SPARCL1: variants seen among roughly 807,000 people sequenced by gnomAD.
SPARCL1 encodes the protein SPARC like 1.
SPARCL1 carries 52 observed loss-of-function variants against 67.1 expected under a neutral mutation model. The ratio of observed to expected loss-of-function variants is 0.78; its 90% CI spans 0.62 to 0.98. The LOEUF (loss-of-function observed/expected upper bound fraction) is 0.98, where lower values mean the gene tolerates loss of function less well. Ranked by LOEUF, SPARCL1 falls within the 50% of genes least tolerant of loss-of-function variation. The pLI, the probability that SPARCL1 is intolerant of heterozygous loss-of-function variation, is 0.00. For synonymous variants in SPARCL1, 226 were observed against 267.8 expected (o/e 0.84, Z 1.52); for missense variants, 717 against 782.4 (o/e 0.92, Z 1.00).
intron 2 of SPARCL1, among the ~76,000 whole-genome samples, chr4:87,499,192 T>C (rs1057184800): frequency 8.5e-5 from 13 of 152,310 alleles, no homozygotes; most frequent in Admixed American, 7.8e-4. Flanking sequence ...CTTGGGTTTA[T>C]AATAACAATG....
intron 5 of SPARCL1, 90 bp downstream of exon 5, chr4:87,491,528 A>C: frequency 1.0e-6 from 1 of 991,920 alleles, no homozygotes; most frequent in South Asian, 1.3e-5. Context: ...TCTGTGCAGC[A>C]TTCACAAAGG....
At chr4:87,502,541 C>T (rs76500894) in intron 1 of SPARCL1, among the ~76,000 whole-genome samples, 3,799 of 152,112 alleles carry the variant, frequency 0.025, 87 homozygotes, top group South Asian at 0.045. Context: ...TTTTATTTCC[C>T]GAAGGCTTCT....
chr4:87,502,538 T>C (rs566953731), intron 1 of SPARCL1, among the ~76,000 whole-genome samples: 1 of 152,342 alleles, frequency 6.6e-6, no homozygotes, highest in African/African-American at 2.4e-5. Context: ...ATTTTTTATT[T>C]CCCGAAGGCT....
chr4:87,493,582 C>G lies in SPARCL1; in HGVS notation c.1218G>C (p.Glu406Asp), dbSNP rs777601852. ...IGTTEPGEHQ[E>D]AKKAENSSNE... is the part of the protein sequence containing the mutation. ...CAAGGACCATTTAAAATAATTTTAC[C>G]TCTTGGTGCTCTCCAGGCTCAGTGG... The change falls in exon 4 of 11, where the codon GAG becomes GAC. Residue 406 changes from glutamate (E) to aspartate (D), a missense_variant and splice_region_variant. Physicochemically the swap from Glu to Asp is conservative, Grantham distance 45. Transcript: ENST00000282470. 6.9e-6 allele frequency: 11 copies of G among 1,595,880 alleles called. No individual in the cohort carries two copies. In the African/African-American group the frequency reaches 1.4e-4, roughly 20 times the overall value.
At chr4:87,494,714 T>C in intron 3 of SPARCL1, 116 bp from the exon 4 acceptor site, 1 of 949,412 alleles carries the variant, frequency 1.1e-6, no homozygotes, top group Non-Finnish European at 1.5e-6. Flanking sequence ...TGTAAACATG[T>C]TTATAATATT....
chr4:87,512,569 A>G (rs1417307211), intron 1 of SPARCL1, among the ~76,000 whole-genome samples: 1 of 152,016 alleles, frequency 6.6e-6, no homozygotes, highest in Non-Finnish European at 1.5e-5. Flanking sequence ...ATGAGAGACC[A>G]TGTGGCTGGA....
intron 1 of SPARCL1, among the ~76,000 whole-genome samples, chr4:87,520,284 A>G (rs1039072296): frequency 6.7e-6 from 1 of 150,270 alleles, no homozygotes; most frequent in Admixed American, 6.6e-5. Context: ...GGAACAGATT[A>G]TGGGAGGATA....
chr4:87,526,481 C>T (rs780465320), intron 1 of SPARCL1, among the ~76,000 whole-genome samples: 1 of 152,192 alleles, frequency 6.6e-6, no homozygotes, highest in Non-Finnish European at 1.5e-5. Flanking sequence ...TAATAAACAT[C>T]ACATTTCATT....
chr4:87,498,922 G>C (rs1724731705), intron 2 of SPARCL1, among the ~76,000 whole-genome samples: 1 of 150,848 alleles, frequency 6.6e-6, no homozygotes, highest in Non-Finnish European at 1.5e-5. Context: ...TGCCCAGGCT[G>C]GAGTGCAGTG....
chr4:87,482,274 A>C, intron 8 of SPARCL1, 150 bp downstream of exon 8: 1 of 734,486 alleles, frequency 1.4e-6, no homozygotes, highest in Admixed American at 2.7e-5. Context: ...GGTGACATCT[A>C]TTATTCTGTT....
At position 87,499,529 on chromosome 4, in the gene SPARCL1, C is replaced by T; in HGVS notation, c.46G>A (p.Ala16Thr). The change falls in exon 2 of 11, where the codon GCA becomes ACA. Residue 16 changes from alanine to threonine, a missense_variant. Ala to Thr is a moderately conservative substitution (Grantham distance 58). Coordinates refer to ENST00000282470, the MANE Select transcript of SPARCL1 (RefSeq NM_004684.6). ...GAAGAAAGGAAATTTACCGGGATTG[C>T]AGCTGCAGTTCCCAAGAGACATAGG... Reference protein sequence around the residue: ...FFLCLLGTAAAIPTNARLLSD... With the variant: ...FFLCLLGTAATIPTNARLLSD... 1 of 1,602,644 alleles carries T rather than the reference C, an allele frequency of 6.2e-7. No homozygotes were observed. Among genetic ancestry groups the T allele is most frequent in the Non-Finnish European group, 8.5e-7 (1 of 1,176,510 alleles).
intron 10 of SPARCL1, among the ~76,000 whole-genome samples, chr4:87,474,079 C>T (rs1257917559): frequency 6.6e-6 from 1 of 152,144 alleles, no homozygotes; most frequent in Non-Finnish European, 1.5e-5. Context: ...GGGTTGAGAA[C>T]CACTGATAGA....
At chr4:87,473,828 G>A (rs1307887390) in intron 10 of SPARCL1, 25 bp from the exon 11 acceptor site, 1 of 1,566,750 alleles carries the variant, frequency 6.4e-7, no homozygotes, top group Non-Finnish European at 8.8e-7. Flanking sequence ...GAAGCAAAAT[G>A]ACACTTTTAG....
At chr4:87,481,256 C>A (rs547687234) in intron 8 of SPARCL1, among the ~76,000 whole-genome samples, 1 of 152,166 alleles carries the variant, frequency 6.6e-6, no homozygotes, top group East Asian at 1.9e-4. Flanking sequence ...GGACATGTAT[C>A]GAAGAACGCC....
intron 1 of SPARCL1, among the ~76,000 whole-genome samples, chr4:87,506,782 C>CATCTATCTATCT (rs11412640): frequency 4.2e-4 from 39 of 93,814 alleles, no homozygotes; most frequent in East Asian, 6.8e-4. Context: ...ATCTATCTAT[C>CATCTATCTATCT]ATCTATCTAT....
chr4:87,517,495 T>A (rs1408808277), intron 1 of SPARCL1, among the ~76,000 whole-genome samples: 1 of 152,178 alleles, frequency 6.6e-6, no homozygotes, highest in Non-Finnish European at 1.5e-5. Context: ...GCCCCTGTAA[T>A]TATCAGATAG....
At chr4:87,505,668 C>T (rs943545803) in intron 1 of SPARCL1, among the ~76,000 whole-genome samples, 1 of 151,790 alleles carries the variant, frequency 6.6e-6, no homozygotes, top group African/African-American at 2.4e-5. Flanking sequence ...GATCCTCCTG[C>T]CTCAGACTCT....
At chr4:87,514,824 A>G (rs1329586139) in intron 1 of SPARCL1, among the ~76,000 whole-genome samples, 9 of 152,234 alleles carry the variant, frequency 5.9e-5, no homozygotes, top group Non-Finnish European at 1.2e-4. Context: ...AGATATTTTG[A>G]AAACAACTGT....
intron 1 of SPARCL1, among the ~76,000 whole-genome samples, chr4:87,502,117 A>T (rs1357687173): frequency 2.0e-5 from 3 of 151,908 alleles, no homozygotes; most frequent in Non-Finnish European, 4.4e-5. Flanking sequence ...TTTATTGATT[A>T]AAAAAAATTA....
Sources: gnomAD v4.1 joint callset for allele counts (sites outside exome capture counted in the v4.1 genomes callset) on GRCh38, gnomAD v4.1.1 for gene constraint, MANE v1.5 for transcripts, NCBI Gene and HGNC (gene_info 2026-07-23, HGNC 2026-07-21) for gene names.